UBE2D3: variants seen among roughly 807,000 people sequenced by gnomAD.
UBE2D3 encodes the protein ubiquitin conjugating enzyme E2 D3, also known as ubiquitin-conjugating enzyme E2 D3.
A neutral mutation model predicts 22.8 loss-of-function variants in UBE2D3; 2 were observed. The ratio of observed to expected loss-of-function variants is 0.09; its 90% CI spans 0.04 to 0.28. The LOEUF (loss-of-function observed/expected upper bound fraction) is 0.28, where lower values mean the gene tolerates loss of function less well. Among genes scored for constraint, UBE2D3 ranks in the 10% least tolerant of loss-of-function variants. The probability of loss-of-function intolerance (pLI) is 1.00; values close to 1 mark genes in which losing one functional copy is unlikely to be tolerated. For synonymous variants in UBE2D3, 56 were observed against 60.4 expected (o/e 0.93, Z 0.34); for missense variants, 27 against 182.5 (o/e 0.15, Z 4.91).
intron 6 of UBE2D3, among the ~76,000 whole-genome samples, chr4:102,799,923 T>C (rs223433): frequency 3.3e-5 from 5 of 151,760 alleles, no homozygotes; most frequent in African/African-American, 1.2e-4. Context: ...TTCTTAGCCG[T>C]TGTCTTGGCA....
At chr4:102,855,128 T>A (rs1238634267) in intron 1 of UBE2D3, among the ~76,000 whole-genome samples, 1 of 152,192 alleles carries the variant, frequency 6.6e-6, no homozygotes, top group Non-Finnish European at 1.5e-5. Context: ...TCAACACAGA[T>A]CCTTACTAGA....
intron 1 of UBE2D3, among the ~76,000 whole-genome samples, chr4:102,848,446 A>C (rs984542125): frequency 1.3e-5 from 2 of 152,112 alleles, no homozygotes; most frequent in Non-Finnish European, 2.9e-5. Flanking sequence ...GGAGTTCAAG[A>C]CCAGCCTCGC....
At chr4:102,833,021 A>G (rs574958056) in intron 1 of UBE2D3, among the ~76,000 whole-genome samples, 17 of 148,602 alleles carry the variant, frequency 1.1e-4, no homozygotes, top group Non-Finnish European at 1.9e-4. Flanking sequence ...AAATGTTTAT[A>G]GAAAAACAAA....
At chr4:102,849,937 C>G (rs919196541) in intron 1 of UBE2D3, among the ~76,000 whole-genome samples, 1 of 151,994 alleles carries the variant, frequency 6.6e-6, no homozygotes, top group Non-Finnish European at 1.5e-5. Context: ...AACTTTAATC[C>G]TAAGTATATA....
chr4:102,839,435 C>A (rs1731617904), intron 1 of UBE2D3, among the ~76,000 whole-genome samples: 1 of 152,068 alleles, frequency 6.6e-6, no homozygotes, highest in Non-Finnish European at 1.5e-5. Flanking sequence ...CCACACCCAG[C>A]TAATTTTTTT....
chr4:102,825,045 C>G (rs1730237026), intron 2 of UBE2D3, among the ~76,000 whole-genome samples: 1 of 152,196 alleles, frequency 6.6e-6, no homozygotes, highest in Non-Finnish European at 1.5e-5. Flanking sequence ...GATTTCATAT[C>G]AATACATACT....
intron 2 of UBE2D3, among the ~76,000 whole-genome samples, chr4:102,813,150 A>C (rs1728292390): frequency 1.3e-5 from 2 of 152,202 alleles, no homozygotes; most frequent in African/African-American, 4.8e-5. Flanking sequence ...AAAGTTGTTT[A>C]GTTAAAAGTC....
intron 2 of UBE2D3, among the ~76,000 whole-genome samples, chr4:102,818,752 AT>A (rs68101761): frequency 7.8e-4 from 115 of 148,242 alleles, no homozygotes; most frequent in African/African-American, 1.5e-3. Flanking sequence ...TTTGGTCACT[AT>A]TTTTTTTTTT....
At chr4:102,823,920 G>A (rs1020884238) in intron 2 of UBE2D3, among the ~76,000 whole-genome samples, 2 of 152,176 alleles carry the variant, frequency 1.3e-5, no homozygotes, top group African/African-American at 4.8e-5. Context: ...CTTCAGACAA[G>A]AATAAATTCG....
At chr4:102,839,637 G>A (rs17256589) in intron 1 of UBE2D3, among the ~76,000 whole-genome samples, 12,443 of 152,218 alleles carry the variant, frequency 0.082, 649 homozygotes, top group Non-Finnish European at 0.11. Flanking sequence ...AAACTGTTTA[G>A]AGTGATGTAC....
At chr4:102,827,213 T>C in intron 1 of UBE2D3, 1 of 984,530 alleles carries the variant, frequency 1.0e-6, no homozygotes, top group African/African-American at 1.7e-5. Flanking sequence ...GCGCCCGCGC[T>C]GTCCCTGAGG....
At chr4:102,807,203 C>T (rs1727201428) in intron 4 of UBE2D3, among the ~76,000 whole-genome samples, 1 of 152,166 alleles carries the variant, frequency 6.6e-6, no homozygotes, top group African/African-American at 2.4e-5. Flanking sequence ...TTATGGGTTG[C>T]TTTAGGTCAC....
chr4:102,823,662 T>C (rs1181618640), intron 2 of UBE2D3, among the ~76,000 whole-genome samples: 1 of 152,126 alleles, frequency 6.6e-6, no homozygotes, highest in African/African-American at 2.4e-5. Context: ...CAACTTGGAG[T>C]GCCACTTTTA....
chr4:102,795,207 A>C lies in UBE2D3; in HGVS notation c.*2208T>G, dbSNP rs957892787. ...GAACTGGACACATCCACTAATTGTTATGACAATCAAAGAAGTCATCTCCGT... is the reference window on the plus strand; with the variant it reads ...GAACTGGACACATCCACTAATTGTTCTGACAATCAAAGAAGTCATCTCCGT... On this transcript the variant is annotated 3_prime_UTR_variant, in exon 8 of 8. Coordinates refer to ENST00000453744, the MANE Select transcript of UBE2D3 (RefSeq NM_181891.3). 1.6e-4 allele frequency: 25 copies of C among 152,058 alleles called. No individual in the cohort carries two copies. The highest frequency in any genetic ancestry group is 1.6e-3 in the Admixed American group (24 of 15,244). 9.4% of individuals were successfully genotyped at this position (152,058 alleles called of 1,614,324 possible).
chr4:102,832,184 T>C (rs1731149368), upstream of UBE2D3, among the ~76,000 whole-genome samples: 1 of 151,994 alleles, frequency 6.6e-6, no homozygotes, highest in African/African-American at 2.4e-5. Context: ...AAGGCAAAGT[T>C]GGAAAAAAAT....
chr4:102,811,843 C>G (rs775151347), intron 2 of UBE2D3: 4 of 409,726 alleles, frequency 9.8e-6, no homozygotes, highest in South Asian at 5.3e-5. Flanking sequence ...ATAGTGAGAC[C>G]CCATTCTCCA....
intron 6 of UBE2D3, among the ~76,000 whole-genome samples, chr4:102,800,103 G>C (rs934473803): frequency 6.6e-6 from 1 of 152,028 alleles, no homozygotes; most frequent in Non-Finnish European, 1.5e-5. Flanking sequence ...TGATGTATAA[G>C]ATGTCAAGCA....
intron 1 of UBE2D3, 147 bp from the exon 2 acceptor site, chr4:102,826,783 A>G: frequency 7.9e-7 from 1 of 1,269,966 alleles, no homozygotes; most frequent in Non-Finnish European, 9.9e-7. Context: ...TTTCGGCCCG[A>G]AGTGGGGGCG....
chr4:102,815,991 A>G (rs1335088117), intron 2 of UBE2D3, among the ~76,000 whole-genome samples: 1 of 152,216 alleles, frequency 6.6e-6, no homozygotes, highest in Non-Finnish European at 1.5e-5. Flanking sequence ...CTTACCTTTG[A>G]GCTACCAAAT....
Sources: allele counts gnomAD v4.1 joint callset (sites outside exome capture counted in the v4.1 genomes callset), GRCh38; gene constraint gnomAD v4.1.1; transcripts MANE v1.5; gene names NCBI Gene and HGNC (gene_info 2026-07-23, HGNC 2026-07-21).